The following RAB5C variants were observed in gnomAD, a reference collection of about 807,000 sequenced individuals.
RAB5C encodes RAB5C, member RAS oncogene family, also known as ras-related protein Rab-5C.
In RAB5C, 4 loss-of-function variants were observed where a neutral mutation model predicts 25.2. The observed-to-expected ratio is 0.16, with a 90% CI of 0.08 to 0.36. RAB5C has a LOEUF of 0.36. RAB5C is among the 10% of genes least tolerant of loss of function. RAB5C has a pLI of 1.00. For missense variants in RAB5C, 199 were observed against 283.8 expected (o/e 0.70, Z 2.15); for synonymous variants, 100 against 106.4 (o/e 0.94, Z 0.37).
At chr17:42,139,509 T>C (rs1048051633) in intron 1 of RAB5C, among the ~76,000 whole-genome samples, 4 of 152,286 alleles carry the variant, frequency 2.6e-5, no homozygotes, top group Non-Finnish European at 2.9e-5. Flanking sequence ...GTCACCCAGG[T>C]TGGAGTGCAG....
At chr17:42,151,310 A>G (rs1322686353) in intron 1 of RAB5C, among the ~76,000 whole-genome samples, 2 of 151,802 alleles carry the variant, frequency 1.3e-5, no homozygotes, top group Admixed American at 6.6e-5. Flanking sequence ...GGTGGTGGGC[A>G]CCTGTAGTCC....
rs202019895 is a variant in RAB5C at position 42,125,812 on chromosome 17, C to G, written c.622G>C (p.Ala208Pro). Residue 208 changes from alanine to proline, a missense_variant, in exon 6 of 6, where the codon GCC becomes CCC. Ala to Pro is a conservative substitution (Grantham distance 27). Transcript: ENST00000346213. ...RGVDLQENNP[A>P]SRSQCCSN ...TTGCTGCAGCACTGGCTCCGGCTGGCTGGGTTGTTCTCCTGGAGGTCCACA... is the reference window on the plus strand; with the variant it reads ...TTGCTGCAGCACTGGCTCCGGCTGGGTGGGTTGTTCTCCTGGAGGTCCACA... 3.7e-6 allele frequency: 6 copies of G among 1,609,330 alleles called. No individual in the cohort carries two copies. The East Asian group carries it at 1.3e-4, about 36-fold the overall frequency.
intron 1 of RAB5C, among the ~76,000 whole-genome samples, chr17:42,148,850 C>T (rs1167414413): frequency 6.6e-6 from 1 of 152,100 alleles, no homozygotes; most frequent in Non-Finnish European, 1.5e-5. Flanking sequence ...AAGAGCACAC[C>T]CCATCTCTGC....
chr17:42,126,632 A>C (rs1345964310), intron 5 of RAB5C, 123 bp downstream of exon 5: 2 of 80,054 alleles, frequency 2.5e-5, no homozygotes, highest in South Asian at 3.4e-4. Context: ...ACTCCATCTC[A>C]AAAAAAAAAA....
In RAB5C at chr17:42,128,255, C is replaced by T; in HGVS notation, c.441+6G>A. On this transcript the variant is annotated splice_donor_region_variant and intron_variant, in intron 4 of 5. Coordinates refer to ENST00000346213, the MANE Select transcript of RAB5C (RefSeq NM_004583.4). The stretch of plus-strand genomic sequence containing the variant: ...ACTCCTTCCCCCAAGTCTGTCATCT[C>T]CCCACCTGGAATTCCACGGCTCTCT... The T allele has an allele frequency of 6.2e-7, 1 of 1,612,618 alleles. No individual in the cohort carries two copies. The highest frequency in any genetic ancestry group is 8.5e-7 in the Non-Finnish European group (1 of 1,179,198).
At chr17:42,152,445 G>A (rs2079677916) in intron 1 of RAB5C, among the ~76,000 whole-genome samples, 1 of 152,052 alleles carries the variant, frequency 6.6e-6, no homozygotes, top group African/African-American at 2.4e-5. Context: ...CAAAGCACTG[G>A]GGCCTGCCTC....
At chr17:42,137,800 T>C (rs573300522) in intron 1 of RAB5C, 4 of 151,832 alleles carry the variant, frequency 2.6e-5, no homozygotes, top group African/African-American at 9.7e-5. Context: ...GGCAGGAGAA[T>C]CGCTTGAACC....
In RAB5C at chr17:42,128,951, G is replaced by A. The variant is rs9889645; in HGVS notation, c.167-151C>T. The stretch of plus-strand genomic sequence containing the variant: ...GCCAGGAGCCAAAGCAGGCCTGAGT[G>A]GGGGGTGGAGTTTGGATTTTTATGT... On this transcript the variant is annotated intron_variant, in intron 2 of 5. Transcript: ENST00000346213. 421 of 716,264 alleles carry A rather than the reference G, an allele frequency of 5.9e-4. 2 individuals carry two copies. The African/African-American group carries it at 7.2e-3, about 12-fold the overall frequency. The allele number at this position is 716,264 out of a possible 1,614,324, so 44.4% of individuals were successfully genotyped here.
chr17:42,126,530 G>A, intron 5 of RAB5C: 2 of 275,076 alleles, frequency 7.3e-6, no homozygotes, highest in South Asian at 1.4e-4. Context: ...TGCTCGAGAG[G>A]CTGAGGCAGG....
chr17:42,131,306 T>C (rs1158538837), intron 1 of RAB5C, among the ~76,000 whole-genome samples: 3 of 152,284 alleles, frequency 2.0e-5, no homozygotes, highest in African/African-American at 7.2e-5. Flanking sequence ...CTCTCATTTT[T>C]GATGGGCCAA....
intron 2 of RAB5C, among the ~76,000 whole-genome samples, chr17:42,129,486 C>T (rs2054464313): frequency 6.6e-6 from 1 of 152,208 alleles, no homozygotes; most frequent in Non-Finnish European, 1.5e-5. Flanking sequence ...TGTACACATG[C>T]TTCAAAGGAG....
intron 1 of RAB5C, among the ~76,000 whole-genome samples, chr17:42,148,350 A>C (rs576961252): frequency 1.4e-4 from 20 of 145,518 alleles, no homozygotes; most frequent in African/African-American, 4.9e-4. Context: ...GGTTACAGTG[A>C]GCAAGATCGT....
At chr17:42,153,622 C>T (rs562901836) in intron 1 of RAB5C, among the ~76,000 whole-genome samples, 8 of 152,218 alleles carry the variant, frequency 5.3e-5, no homozygotes, top group South Asian at 2.1e-4. Context: ...CACGGCTTTC[C>T]GTCCCTTCCT....
chr17:42,137,651 G>A (rs1389392715), intron 1 of RAB5C: 1 of 152,184 alleles, frequency 6.6e-6, no homozygotes, highest in Non-Finnish European at 1.5e-5. Flanking sequence ...CGCTTTGGGA[G>A]GCTGAGGCGG....
At chr17:42,147,106 CAGAAAGAA>C (rs909129542) in intron 1 of RAB5C, among the ~76,000 whole-genome samples, 5 of 145,902 alleles carry the variant, frequency 3.4e-5, no homozygotes, top group African/African-American at 1.3e-4. Flanking sequence ...GAAGGAAAGA[CAGAAAGAA>C]AGAAAGAAAC....
At chr17:42,130,800 A>G (rs1054036745) in intron 1 of RAB5C, among the ~76,000 whole-genome samples, 1 of 151,634 alleles carries the variant, frequency 6.6e-6, no homozygotes, top group Non-Finnish European at 1.5e-5. Context: ...CTGAGCTGTA[A>G]AGAGGAGAAT....
chr17:42,151,578 A>G (rs534685623), intron 1 of RAB5C, among the ~76,000 whole-genome samples: 3 of 152,334 alleles, frequency 2.0e-5, no homozygotes, highest in Admixed American at 1.3e-4. Flanking sequence ...ACTTGCAAGC[A>G]GCAGGCAGCA....
intron 1 of RAB5C, among the ~76,000 whole-genome samples, chr17:42,150,131 A>G (rs1598259499): frequency 6.6e-6 from 1 of 151,794 alleles, no homozygotes; most frequent in Non-Finnish European, 1.5e-5. Flanking sequence ...GTGATCTCCC[A>G]GCCTCAGCCT....
intron 1 of RAB5C, among the ~76,000 whole-genome samples, chr17:42,154,439 C>G (rs1307323856): frequency 5.9e-5 from 9 of 152,152 alleles, no homozygotes; most frequent in Non-Finnish European, 1.3e-4. Flanking sequence ...CGGTCTCACC[C>G]AGACGACCCC....
Sources: allele counts gnomAD v4.1 joint callset (sites outside exome capture counted in the v4.1 genomes callset), GRCh38; gene constraint gnomAD v4.1.1; transcripts MANE v1.5; gene names NCBI Gene and HGNC (gene_info 2026-07-23, HGNC 2026-07-21).